VWC2L: variants seen among roughly 807,000 people sequenced by gnomAD.
The protein encoded by VWC2L is von Willebrand factor C domain containing 2 like, also known as von Willebrand factor C domain-containing protein 2-like.
Under a neutral mutation model 21.6 loss-of-function variants are expected in VWC2L, and 10 were observed. The observed-to-expected ratio is 0.46, with a 90% CI of 0.29 to 0.78. The LOEUF is 0.78. Among genes scored for constraint, VWC2L ranks in the 30% least tolerant of loss-of-function variants. The pLI, the probability that VWC2L is intolerant of heterozygous loss-of-function variation, is 0.10. For missense variants in VWC2L, 209 were observed against 277.1 expected (o/e 0.75, Z 1.74); for synonymous variants, 96 against 94.3 (o/e 1.02, Z -0.10).
At chr2:214,554,294 T>C (rs1360117204) in intron 3 of VWC2L, among the ~76,000 whole-genome samples, 1 of 152,180 alleles carries the variant, frequency 6.6e-6, no homozygotes, top group Non-Finnish European at 1.5e-5. Flanking sequence ...AGCCCCTCAA[T>C]TGACTGAATG....
At chr2:214,547,167 GA>G (rs1559326847) in intron 3 of VWC2L, among the ~76,000 whole-genome samples, 1 of 151,098 alleles carries the variant, frequency 6.6e-6, no homozygotes, top group Non-Finnish European at 1.5e-5. Context: ...CTGGAAGATT[GA>G]GGAAATTTTA....
chr2:214,506,504 C>A (rs1375967219), intron 3 of VWC2L, among the ~76,000 whole-genome samples: 1 of 152,132 alleles, frequency 6.6e-6, no homozygotes, highest in Non-Finnish European at 1.5e-5. Flanking sequence ...GTTGGGACTA[C>A]AAATTGTATC....
chr2:214,477,752 T>C (rs746081955), intron 3 of VWC2L, among the ~76,000 whole-genome samples: 2 of 152,286 alleles, frequency 1.3e-5, no homozygotes, highest in Non-Finnish European at 2.9e-5. Flanking sequence ...ATGCTGAATA[T>C]ATTATACAAT....
chr2:214,574,138 T>C (rs1309259220), intron 3 of VWC2L, among the ~76,000 whole-genome samples: 1 of 152,084 alleles, frequency 6.6e-6, no homozygotes, highest in African/African-American at 2.4e-5. Context: ...TGAGACTCCA[T>C]CTCAAAAACA....
At chr2:214,486,092 G>A (rs1262440897) in intron 3 of VWC2L, among the ~76,000 whole-genome samples, 2 of 152,098 alleles carry the variant, frequency 1.3e-5, no homozygotes, top group Admixed American at 1.3e-4. Flanking sequence ...GTTTGTGTGT[G>A]TAAACAGCAA....
chr2:214,463,546 T>C (rs1246529101), intron 3 of VWC2L, among the ~76,000 whole-genome samples: 1 of 152,202 alleles, frequency 6.6e-6, no homozygotes, highest in African/African-American at 2.4e-5. Flanking sequence ...ACTGAGGTAT[T>C]TAACCCACTT....
chr2:214,520,774 G>A lies in VWC2L; in HGVS notation c.521-54898G>A, dbSNP rs555302831. On this transcript the variant is annotated intron_variant, in intron 3 of 3. Transcript: ENST00000312504. ...ACAAAGAATACAAAACTACATATGC[G>A]ATATGATCTCAACAATGTAGAACTA... Among the ~76,000 whole-genome samples the A allele has an allele frequency of 4.4e-4, 67 of 152,076 alleles. 2 individuals are homozygous for A. The South Asian group carries it at 6.0e-3, about 14-fold the overall frequency.
intron 3 of VWC2L, among the ~76,000 whole-genome samples, chr2:214,439,572 T>C (rs1702733309): frequency 1.3e-5 from 2 of 151,982 alleles, no homozygotes; most frequent in South Asian, 4.1e-4. Context: ...AATTTTCAGT[T>C]TGCATAAATG....
intron 3 of VWC2L, among the ~76,000 whole-genome samples, chr2:214,457,236 C>A (rs1703070486): frequency 6.6e-6 from 1 of 152,028 alleles, no homozygotes; most frequent in Admixed American, 6.6e-5. Context: ...CCTAGACAGG[C>A]TTTTGGTGGG....
At chr2:214,422,097 C>G (rs922607201) in intron 2 of VWC2L, among the ~76,000 whole-genome samples, 2 of 151,156 alleles carry the variant, frequency 1.3e-5, no homozygotes, top group African/African-American at 4.9e-5. Context: ...ACCGTGTTAG[C>G]CAGGATGGTC....
At chr2:214,560,400 T>C (rs1187561098) in intron 3 of VWC2L, among the ~76,000 whole-genome samples, 1 of 152,202 alleles carries the variant, frequency 6.6e-6, no homozygotes, top group Non-Finnish European at 1.5e-5. Flanking sequence ...GTAGTAATGT[T>C]CCACTTTGTT....
intron 3 of VWC2L, among the ~76,000 whole-genome samples, chr2:214,532,952 T>G (rs1689464130): frequency 8.8e-5 from 1 of 11,348 alleles, no homozygotes; most frequent in African/African-American, 1.7e-4. Context: ...GGCTGACTCC[T>G]GCATTTTTTC....
chr2:214,466,199 A>G (rs369185970), intron 3 of VWC2L, among the ~76,000 whole-genome samples: 1 of 152,098 alleles, frequency 6.6e-6, no homozygotes, highest in African/African-American at 2.4e-5. Flanking sequence ...CTATTTGGCC[A>G]TATTGTTCTA....
chr2:214,537,741 A>G (rs958533263), intron 3 of VWC2L, among the ~76,000 whole-genome samples: 6 of 152,154 alleles, frequency 3.9e-5, no homozygotes, highest in African/African-American at 1.4e-4. Flanking sequence ...ACAAAAATGT[A>G]TGAATGAATG....
intron 3 of VWC2L, among the ~76,000 whole-genome samples, chr2:214,457,967 G>A (rs1023800753): frequency 1.4e-4 from 21 of 152,196 alleles, no homozygotes; most frequent in African/African-American, 3.9e-4. Context: ...GTATCAGGGT[G>A]ATGCTGGCTT....
chr2:214,466,017 G>A (rs1703211247), intron 3 of VWC2L, among the ~76,000 whole-genome samples: 1 of 152,118 alleles, frequency 6.6e-6, no homozygotes, highest in Non-Finnish European at 1.5e-5. Flanking sequence ...TGGGAGGGGT[G>A]GCATCAAGGA....
At chr2:214,484,161 A>AT (rs766736062) in intron 3 of VWC2L, among the ~76,000 whole-genome samples, 3 of 152,062 alleles carry the variant, frequency 2.0e-5, no homozygotes, top group Non-Finnish European at 4.4e-5. Context: ...CAGTTACTGG[A>AT]TTAGGGCCCA....
At chr2:214,533,131 A>T (rs796107612) in intron 3 of VWC2L, among the ~76,000 whole-genome samples, 7 of 152,126 alleles carry the variant, frequency 4.6e-5, no homozygotes, top group African/African-American at 1.7e-4. Flanking sequence ...GCTTGCGATT[A>T]CCTGACAAAC....
At chr2:214,477,878 G>T (rs1225768993) in intron 3 of VWC2L, among the ~76,000 whole-genome samples, 4 of 152,172 alleles carry the variant, frequency 2.6e-5, no homozygotes, top group African/African-American at 9.7e-5. Context: ...TGTTCTGACG[G>T]TTTCTGTATG....
Sources: allele counts gnomAD v4.1 joint callset (sites outside exome capture counted in the v4.1 genomes callset), GRCh38; gene constraint gnomAD v4.1.1; transcripts MANE v1.5; gene names NCBI Gene and HGNC (gene_info 2026-07-23, HGNC 2026-07-21).